The following MYLK variants were observed in gnomAD, a reference collection of about 807,000 sequenced individuals.
MYLK encodes myosin light chain kinase.
Under a neutral mutation model 203.4 loss-of-function variants are expected in MYLK, and 106 were observed. The observed-to-expected ratio is 0.52, with a 90% CI of 0.45 to 0.61. The LOEUF (loss-of-function observed/expected upper bound fraction) is 0.61, where lower values mean the gene tolerates loss of function less well. Ranked by LOEUF, MYLK falls within the 20% of genes least tolerant of loss-of-function variation. The pLI is 0.00. For missense variants in MYLK, 2,072 were observed against 2,442.3 expected (o/e 0.85, Z 3.20); for synonymous variants, 867 against 959.5 (o/e 0.90, Z 1.78).
chr3:123,655,902 A>T (rs2059376472), intron 24 of MYLK, among the ~76,000 whole-genome samples: 2 of 152,256 alleles, frequency 1.3e-5, no homozygotes, highest in South Asian at 4.1e-4. Flanking sequence ...ATGGTGAATT[A>T]TAACAATAAA....
chr3:123,810,285 C>T (rs2065512450), intron 3 of MYLK, among the ~76,000 whole-genome samples: 2 of 152,166 alleles, frequency 1.3e-5, no homozygotes, highest in Non-Finnish European at 2.9e-5. Context: ...TTCCCATAGT[C>T]TCCCTGTGAC....
Position 123,722,259 on chromosome 3 carries a change from C to G in MYLK, c.1673G>C (p.Arg558Pro), listed in dbSNP as rs753464560. 82 of 1,569,900 alleles carry G rather than the reference C, an allele frequency of 5.2e-5. 1 individual carries two copies. The South Asian group carries it at 7.2e-4, about 14-fold the overall frequency. ...AGCCACGCCGGCCTCGCAGGTGGAG[C>G]GAGCGTACTGGATGGGCTGCCCTGT... Reference protein sequence around the residue: ...LLNGQPIQYARSTCEAGVAEL... With the variant: ...LLNGQPIQYAPSTCEAGVAEL... The change falls in exon 13 of 34, where the codon CGC becomes CCC. Residue 558 changes from arginine (R) to proline (P), a missense_variant. Arg to Pro is a moderately radical substitution (Grantham distance 103). Coordinates refer to ENST00000360304, the MANE Select transcript of MYLK (RefSeq NM_053025.4).
intron 4 of MYLK, among the ~76,000 whole-genome samples, chr3:123,766,539 G>C (rs936933452): frequency 6.6e-6 from 1 of 152,268 alleles, no homozygotes; most frequent in African/African-American, 2.4e-5. Flanking sequence ...GTGACTTACA[G>C]GGCTGGGGCT....
At chr3:123,826,706 C>G (rs1171405881) in intron 3 of MYLK, among the ~76,000 whole-genome samples, 4 of 152,174 alleles carry the variant, frequency 2.6e-5, no homozygotes, top group Admixed American at 6.5e-5. Flanking sequence ...CATTTATATC[C>G]TCCAACCTTA....
At chr3:123,836,803 C>T (rs536553952) in intron 2 of MYLK, among the ~76,000 whole-genome samples, 1 of 152,280 alleles carries the variant, frequency 6.6e-6, no homozygotes, top group East Asian at 1.9e-4. Flanking sequence ...TCCAAGGACA[C>T]ATAGTAGAGA....
intron 3 of MYLK, among the ~76,000 whole-genome samples, chr3:123,810,638 C>T (rs2065527343): frequency 6.6e-6 from 1 of 152,254 alleles, no homozygotes; most frequent in African/African-American, 2.4e-5. Context: ...GGACAGTTCT[C>T]ACCTTCCCTG....
At position 123,708,892 on chromosome 3, in the gene MYLK, T is replaced by C. The variant is rs938370233; in HGVS notation, c.1946A>G (p.Asn649Ser). 2 of 1,613,896 alleles carry C rather than the reference T, an allele frequency of 1.2e-6. No homozygotes were observed. Among genetic ancestry groups the C allele is most frequent in the Non-Finnish European group, 1.7e-6 (2 of 1,179,816 alleles). The change falls in exon 15 of 34, where the codon AAT becomes AGT. Residue 649 changes from asparagine to serine, a missense_variant. Physicochemically the swap from Asn to Ser is conservative, Grantham distance 46. This residue lies in a region of MYLK where 865 missense variants were observed against 1,016.0 expected (regional missense o/e 0.85). Transcript: ENST00000360304. Reference sequence around the variant, plus strand: ...CAGCCAGATGACTTCAGGGGGTGGATTCCCTGAACCAGGAGGAGGGGAAGG... The same window carrying C: ...CAGCCAGATGACTTCAGGGGGTGGACTCCCTGAACCAGGAGGAGGGGAAGG... ...QVTMTVQVSG[N>S]PPPEVIWLHN...
intron 20 of MYLK, among the ~76,000 whole-genome samples, chr3:123,668,632 A>C (rs1465779443): frequency 1.3e-5 from 2 of 152,138 alleles, no homozygotes; most frequent in Non-Finnish European, 2.9e-5. Flanking sequence ...CTGTGCACCA[A>C]AGAGGGTGAA....
intron 2 of MYLK, among the ~76,000 whole-genome samples, chr3:123,837,646 G>A (rs928745411): frequency 2.6e-5 from 4 of 151,692 alleles, no homozygotes; most frequent in Non-Finnish European, 5.9e-5. Context: ...TCACCTCAAT[G>A]AATTTAGTGC....
intron 2 of MYLK, chr3:123,835,769 T>C (rs929255146): frequency 6.6e-6 from 1 of 152,176 alleles, no homozygotes; most frequent in African/African-American, 2.4e-5. Context: ...CAGAATCCCT[T>C]TTCCTTAAAG....
intron 2 of MYLK, among the ~76,000 whole-genome samples, chr3:123,858,624 C>T (rs1001304269): frequency 1.2e-4 from 18 of 152,096 alleles, no homozygotes; most frequent in Non-Finnish European, 2.4e-4. Context: ...CCTTGATAGC[C>T]ATTAATCCAT....
chr3:123,725,549 T>G (rs955075438), intron 12 of MYLK, among the ~76,000 whole-genome samples: 1 of 152,212 alleles, frequency 6.6e-6, no homozygotes, highest in Non-Finnish European at 1.5e-5. Flanking sequence ...ATTCATTTAT[T>G]TGTTCATTTA....
At chr3:123,627,529 C>T (rs2058207652) in intron 30 of MYLK, among the ~76,000 whole-genome samples, 1 of 152,200 alleles carries the variant, frequency 6.6e-6, no homozygotes, top group Non-Finnish European at 1.5e-5. Flanking sequence ...TTTCTGAAAG[C>T]TCTGGGGATC....
intron 5 of MYLK, among the ~76,000 whole-genome samples, chr3:123,751,924 T>G (rs1471636983): frequency 6.6e-6 from 1 of 152,148 alleles, no homozygotes; most frequent in Non-Finnish European, 1.5e-5. Flanking sequence ...GAAGGCCCTG[T>G]AGCCTTGCTC....
chr3:123,726,651 T>C (rs778124267), intron 11 of MYLK, among the ~76,000 whole-genome samples: 16 of 152,144 alleles, frequency 1.1e-4, no homozygotes, highest in Non-Finnish European at 2.1e-4. Flanking sequence ...CCATTCTAGG[T>C]CAAGGGCTCA....
At chr3:123,679,757 C>G (rs1357065857) in intron 20 of MYLK, among the ~76,000 whole-genome samples, 6 of 152,200 alleles carry the variant, frequency 3.9e-5, no homozygotes, top group African/African-American at 1.2e-4. Context: ...TGCTCCCCCA[C>G]TAACTCAGAC....
chr3:123,813,519 T>TG (rs2065633688), intron 3 of MYLK, among the ~76,000 whole-genome samples: 1 of 151,898 alleles, frequency 6.6e-6, no homozygotes. Flanking sequence ...TCTCTCTCTT[T>TG]TTTTTTTTTG....
chr3:123,630,148 T>C (rs1345638636), intron 29 of MYLK, among the ~76,000 whole-genome samples: 6 of 152,154 alleles, frequency 3.9e-5, no homozygotes, highest in Non-Finnish European at 5.9e-5. Flanking sequence ...AATGGATAGA[T>C]GGACTTTGAA....
At chr3:123,838,498 A>G (rs2066521700) in intron 2 of MYLK, among the ~76,000 whole-genome samples, 1 of 152,186 alleles carries the variant, frequency 6.6e-6, no homozygotes, top group African/African-American at 2.4e-5. Context: ...GAAGGTAAAT[A>G]TATAAGACAT....
Sources: gnomAD v4.1 joint callset for allele counts (sites outside exome capture counted in the v4.1 genomes callset) on GRCh38, gnomAD v4.1.1 for gene constraint, gnomAD v4.1.1 regional missense constraint, MANE v1.5 for transcripts, NCBI Gene and HGNC (gene_info 2026-07-23, HGNC 2026-07-21) for gene names.